Variants in FZD3 observed in about 807,000 individuals in gnomAD.
FZD3 encodes frizzled-3.
FZD3 carries 30 observed loss-of-function variants against 60.7 expected under a neutral mutation model. The observed-to-expected ratio is 0.49, with a 90% CI of 0.37 to 0.67. FZD3 has a LOEUF of 0.67. FZD3 is among the 30% of genes least tolerant of loss of function. FZD3 has a pLI of 0.00. For synonymous variants in FZD3, 246 were observed against 275.2 expected (o/e 0.89, Z 1.05); for missense variants, 605 against 838.7 (o/e 0.72, Z 3.44).
chr8:28,526,934 C>G (rs1015246951), intron 4 of FZD3, among the ~76,000 whole-genome samples: 14 of 152,148 alleles, frequency 9.2e-5, no homozygotes, highest in African/African-American at 3.4e-4. Flanking sequence ...CATACTTTTT[C>G]AAGACATACA....
chr8:28,530,321 A>G (rs989190061), intron 5 of FZD3: 1 of 152,054 alleles, frequency 6.6e-6, no homozygotes, highest in Non-Finnish European at 1.5e-5. Flanking sequence ...CCTCTGCTTC[A>G]GTTCCTCATA....
At chr8:28,496,210 GT>G (rs1370980385) in intron 1 of FZD3, among the ~76,000 whole-genome samples, 1 of 152,178 alleles carries the variant, frequency 6.6e-6, no homozygotes, top group African/African-American at 2.4e-5. Flanking sequence ...GGAGAGAGGA[GT>G]TTTTCGCTCA....
chr8:28,555,729 GT>G lies in FZD3; in HGVS notation c.1554-7del. 6.6e-7 allele frequency: 1 copy of G among 1,506,838 alleles called. No individual in the cohort carries two copies. Among genetic ancestry groups the G allele is most frequent in the Non-Finnish European group, 9.2e-7 (1 of 1,082,508 alleles). 93.3% of individuals were successfully genotyped at this position (1,506,838 alleles called of 1,614,324 possible). On this transcript the variant is annotated splice_polypyrimidine_tract_variant and splice_region_variant and intron_variant, in intron 6 of 7. Transcript: ENST00000240093. Reference sequence around the variant, plus strand: ...GTATGTATCTTAAACTTACTATTTTGTTGTCTAGGATAGTGAATGAGAGCCG... The same window carrying G: ...GTATGTATCTTAAACTTACTATTTTGTGTCTAGGATAGTGAATGAGAGCCG...
intron 3 of FZD3, among the ~76,000 whole-genome samples, chr8:28,518,811 C>G (rs951513283): frequency 1.3e-5 from 2 of 152,234 alleles, no homozygotes; most frequent in Non-Finnish European, 2.9e-5. Flanking sequence ...GTCTTACGCC[C>G]AGTTCAACAA....
At position 28,573,131 on chromosome 8, in the gene FZD3, C is replaced by T. The variant is rs1805835235; in HGVS notation, c.*10120C>T. On this transcript the variant is annotated 3_prime_UTR_variant, in exon 8 of 8. Coordinates refer to ENST00000240093, the MANE Select transcript of FZD3 (RefSeq NM_017412.4). ...TACCCTCTTCATGTGACCTATTCCT[C>T]AAATGCTGCATTCTCCAAAACTTCC... 6.6e-6 allele frequency: 1 copy of T among 152,110 alleles called. No individual in the cohort carries two copies. Among genetic ancestry groups the T allele is most frequent in the African/African-American group, 2.4e-5 (1 of 41,420 alleles). The allele number at this position is 152,110 out of a possible 1,614,324, so 9.4% of individuals were successfully genotyped here. A position where few individuals can be genotyped will look rare whatever the true frequency, so the allele number is the denominator to read the frequency against.
intron 4 of FZD3, among the ~76,000 whole-genome samples, chr8:28,523,986 C>T (rs1420055430): frequency 1.3e-5 from 2 of 152,110 alleles, no homozygotes; most frequent in African/African-American, 2.4e-5. Flanking sequence ...CTCCCTTTTG[C>T]CATGGGTTGA....
At chr8:28,498,016 T>C (rs545531660) in intron 1 of FZD3, among the ~76,000 whole-genome samples, 2 of 152,368 alleles carry the variant, frequency 1.3e-5, no homozygotes, top group East Asian at 3.8e-4. Flanking sequence ...TGGTTGGAAA[T>C]ATAAAATTCC....
intron 6 of FZD3, 35 bp downstream of exon 6, chr8:28,551,786 C>T (rs1805416480): frequency 6.5e-7 from 1 of 1,547,806 alleles, no homozygotes; most frequent in Middle Eastern, 1.7e-4. Context: ...TGTTCACAAA[C>T]CTCACATTTA....
chr8:28,509,241 CTCTA>C lies in FZD3; in HGVS notation c.189+6043_189+6046del, dbSNP rs917616615. Reference sequence around the variant, plus strand: ...ACTCTAGTTTCTATCCCTCTGTCACCTCTATCTTATTTTTTCCTTCCACCTAAAG... The same window carrying C: ...ACTCTAGTTTCTATCCCTCTGTCACCTCTTATTTTTTCCTTCCACCTAAAG... On this transcript the variant is annotated intron_variant, in intron 3 of 7. Coordinates refer to ENST00000240093, the MANE Select transcript of FZD3 (RefSeq NM_017412.4). Among the ~76,000 whole-genome samples the C allele has an allele frequency of 9.6e-4, 145 of 151,780 alleles. 1 individual carries two copies. Among genetic ancestry groups the C allele is most frequent in the African/African-American group, 3.4e-3 (139 of 41,486 alleles).
At chr8:28,533,577 GTTTGTTTTGTTTTGTTTTGT>G (rs199572463) in intron 5 of FZD3, among the ~76,000 whole-genome samples, 91 of 150,746 alleles carry the variant, frequency 6.0e-4, no homozygotes, top group African/African-American at 2.1e-3. Context: ...GTAACTTTAT[GTTTGTTTTGTTTTGTTTTGT>G]TTTGTTTTGT....
chr8:28,495,239 A>G (rs1464757742), intron 1 of FZD3, among the ~76,000 whole-genome samples: 2 of 152,168 alleles, frequency 1.3e-5, no homozygotes, highest in Admixed American at 6.5e-5. Context: ...GAATTGAGGC[A>G]GAGGAGTAGA....
intron 3 of FZD3, among the ~76,000 whole-genome samples, chr8:28,520,323 G>C (rs1396245551): frequency 6.6e-6 from 1 of 151,700 alleles, no homozygotes; most frequent in Admixed American, 6.6e-5. Flanking sequence ...AACATTTGGT[G>C]CATGTCTTTT....
intron 4 of FZD3, among the ~76,000 whole-genome samples, chr8:28,523,514 C>G (rs1044025048): frequency 2.0e-5 from 3 of 151,946 alleles, no homozygotes; most frequent in Non-Finnish European, 2.9e-5. Context: ...ACTATAGCCT[C>G]AAACTCCTGG....
In FZD3 at chr8:28,566,995, T is replaced by G. The variant is rs535377762; in HGVS notation, c.*3984T>G. 3 of 152,170 alleles carry G rather than the reference T, an allele frequency of 2.0e-5. No homozygotes were observed. Among genetic ancestry groups the G allele is most frequent in the Non-Finnish European group, 4.4e-5 (3 of 68,030 alleles). 9.4% of individuals were successfully genotyped at this position (152,170 alleles called of 1,614,324 possible). A position where few individuals can be genotyped will look rare whatever the true frequency, so the allele number is the denominator to read the frequency against. On this transcript the variant is annotated 3_prime_UTR_variant, in exon 8 of 8. Coordinates refer to ENST00000240093, the MANE Select transcript of FZD3 (RefSeq NM_017412.4). ...AAATTATTCTACTTAAAAAAATTTT[T>G]TATAGAGACAGGGTCTTGCTCTGTC...
At position 28,520,073 on chromosome 8, in the gene FZD3, G is replaced by A. The variant is rs10087076; in HGVS notation, c.190-565G>A. Among the ~76,000 whole-genome samples the A allele has an allele frequency of 5.2e-3, 794 of 152,076 alleles. 4 individuals carry two copies. The highest frequency in any genetic ancestry group is 0.016 in the African/African-American group (667 of 41,488). On this transcript the variant is annotated intron_variant, in intron 3 of 7. Transcript: ENST00000240093. ...GAAAATACAAATATTATCTGGGCAT[G>A]GTGGTGCATGCCTATAATCGCAGCT...
intron 5 of FZD3, among the ~76,000 whole-genome samples, chr8:28,546,791 C>G (rs1449469813): frequency 6.6e-6 from 1 of 151,984 alleles, no homozygotes; most frequent in African/African-American, 2.4e-5. Flanking sequence ...CTGGCTAACA[C>G]AGTGAAACCC....
At chr8:28,547,347 G>A (rs1004849957) in intron 5 of FZD3, among the ~76,000 whole-genome samples, 4 of 152,062 alleles carry the variant, frequency 2.6e-5, no homozygotes, top group African/African-American at 9.7e-5. Flanking sequence ...TTTACAATTG[G>A]TATATGATAT....
At chr8:28,557,080 G>A (rs1407826604) in intron 7 of FZD3, among the ~76,000 whole-genome samples, 1 of 151,944 alleles carries the variant, frequency 6.6e-6, no homozygotes, top group African/African-American at 2.4e-5. Flanking sequence ...GTTGTGGCAG[G>A]CACCTGTAAT....
In FZD3 at chr8:28,572,247, T is replaced by C. The variant is rs908907604; in HGVS notation, c.*9236T>C. The C allele has an allele frequency of 6.6e-6, 1 of 152,140 alleles. No homozygotes were observed. The highest frequency in any genetic ancestry group is 2.4e-5 in the African/African-American group (1 of 41,424). 9.4% of individuals were successfully genotyped at this position (152,140 alleles called of 1,614,324 possible). A position where few individuals can be genotyped will look rare whatever the true frequency, so the allele number is the denominator to read the frequency against. On this transcript the variant is annotated 3_prime_UTR_variant, in exon 8 of 8. Transcript: ENST00000240093. Reference sequence around the variant, plus strand: ...TATCTGAAATTGCTGGTTTTATTGGTCAAAAATGATCAGATGCTAGCAATT... The same window carrying C: ...TATCTGAAATTGCTGGTTTTATTGGCCAAAAATGATCAGATGCTAGCAATT...
Sources: gnomAD v4.1 joint callset for allele counts (sites outside exome capture counted in the v4.1 genomes callset) on GRCh38, gnomAD v4.1.1 for gene constraint, MANE v1.5 for transcripts, NCBI Gene and HGNC (gene_info 2026-07-23, HGNC 2026-07-21) for gene names.